Variants in AXDND1 observed in about 807,000 individuals in gnomAD.
AXDND1 encodes axonemal dynein light chain domain containing 1.
In AXDND1, 110 loss-of-function variants were observed where a neutral mutation model predicts 137.5. The observed-to-expected ratio is 0.80, with a 90% CI of 0.69 to 0.94. The LOEUF is 0.94. Ranked by LOEUF, AXDND1 falls within the 40% of genes least tolerant of loss-of-function variation. AXDND1 has a pLI of 0.00. For synonymous variants in AXDND1, 414 were observed against 399.7 expected (o/e 1.04, Z -0.43); for missense variants, 1,191 against 1,169.8 (o/e 1.02, Z -0.26).
chr1:179,435,764 G>A (rs531792497), intron 15 of AXDND1, among the ~76,000 whole-genome samples: 16 of 152,220 alleles, frequency 1.1e-4, no homozygotes, highest in African/African-American at 3.4e-4. Flanking sequence ...ATACCATTCA[G>A]GACATAGGCA....
At chr1:179,505,643 A>G (rs989353092) in intron 20 of AXDND1, among the ~76,000 whole-genome samples, 1 of 150,852 alleles carries the variant, frequency 6.6e-6, no homozygotes, top group African/African-American at 2.4e-5. Flanking sequence ...GCGAAACTCC[A>G]TCTCAAAAAA....
At chr1:179,447,939 T>A in intron 16 of AXDND1, 1 of 1,385,818 alleles carries the variant, frequency 7.2e-7, no homozygotes, top group Non-Finnish European at 1.0e-6. Context: ...TTAAATCTGT[T>A]AACGTTGAGC....
chr1:179,467,644 G>A (rs969691910), intron 16 of AXDND1, among the ~76,000 whole-genome samples: 3 of 152,164 alleles, frequency 2.0e-5, no homozygotes, highest in African/African-American at 7.2e-5. Context: ...GGATGACTGT[G>A]TACAGTGGGC....
intron 4 of AXDND1, among the ~76,000 whole-genome samples, chr1:179,375,414 C>A (rs994812406): frequency 7.3e-5 from 11 of 151,654 alleles, no homozygotes; most frequent in African/African-American, 2.4e-4. Flanking sequence ...CCAACATATT[C>A]TTTAATTATA....
intron 15 of AXDND1, among the ~76,000 whole-genome samples, chr1:179,432,698 T>C (rs2125318160): frequency 6.6e-6 from 1 of 152,256 alleles, no homozygotes; most frequent in Non-Finnish European, 1.5e-5. Context: ...AGTGTTGGGA[T>C]TACAGGTGTG....
intron 11 of AXDND1, among the ~76,000 whole-genome samples, chr1:179,396,302 A>G (rs923001428): frequency 3.3e-5 from 5 of 152,096 alleles, no homozygotes. Context: ...AATAGTTGGT[A>G]TGTAACTTTC....
chr1:179,479,746 T>C (rs1665123184), intron 17 of AXDND1, among the ~76,000 whole-genome samples: 1 of 151,998 alleles, frequency 6.6e-6, no homozygotes, highest in African/African-American at 2.4e-5. Context: ...CACTGCACTT[T>C]AGCCTGGGCG....
chr1:179,509,560 T>C (rs182514559), intron 21 of AXDND1, among the ~76,000 whole-genome samples, 157 bp downstream of exon 21: 38 of 152,300 alleles, frequency 2.5e-4, no homozygotes, highest in Non-Finnish European at 5.0e-4. Flanking sequence ...ACAGCTCTTC[T>C]TCCCTCTAAG....
intron 25 of AXDND1, among the ~76,000 whole-genome samples, chr1:179,552,875 T>A (rs1673524960): frequency 6.6e-6 from 1 of 152,212 alleles, no homozygotes; most frequent in South Asian, 2.1e-4. Context: ...AAATGCAGTT[T>A]TGTATTATTG....
At chr1:179,471,425 T>A (rs1427434783) in intron 17 of AXDND1, among the ~76,000 whole-genome samples, 2 of 152,222 alleles carry the variant, frequency 1.3e-5, no homozygotes, top group Non-Finnish European at 2.9e-5. Flanking sequence ...TCTTATTGAA[T>A]CAGTTTTTTG....
chr1:179,430,729 T>C (rs1657245073), intron 14 of AXDND1, 123 bp downstream of exon 14: 1 of 1,080,984 alleles, frequency 9.3e-7, no homozygotes, highest in Admixed American at 2.4e-5. Context: ...TGGGGAGCAG[T>C]CCCTATGAAG....
chr1:179,430,619 G>A lies in AXDND1; in HGVS notation c.1487+13G>A, dbSNP rs762604493. ...AGGAGTTCTTCAAGTGAGTCACCAA[G>A]AATCTTGTTTTTCTGATTATACTTA... is the stretch of plus-strand genomic sequence containing the variant. On this transcript the variant is annotated intron_variant, in intron 14 of 25. Coordinates refer to ENST00000367618, the MANE Select transcript of AXDND1 (RefSeq NM_144696.6). The A allele has an allele frequency of 1.9e-6, 3 of 1,601,872 alleles. No individual in the cohort carries two copies. The highest frequency in any genetic ancestry group is 2.2e-5 in the South Asian group (2 of 89,466).
intron 20 of AXDND1, among the ~76,000 whole-genome samples, chr1:179,503,827 A>G (rs1017671836): frequency 6.6e-6 from 1 of 151,834 alleles, no homozygotes; most frequent in African/African-American, 2.4e-5. Context: ...TGTCCTTGTG[A>G]TAGTTTGCTG....
chr1:179,456,433 C>T, intron 16 of AXDND1: 1 of 767,526 alleles, frequency 1.3e-6, no homozygotes. Context: ...AAACTGCTTC[C>T]ACTACCACCA....
chr1:179,490,486 C>T (rs1666742676), intron 18 of AXDND1, among the ~76,000 whole-genome samples: 1 of 152,138 alleles, frequency 6.6e-6, no homozygotes, highest in Admixed American at 6.5e-5. Context: ...TTTTCACACT[C>T]CTAAGCCAAA....
intron 18 of AXDND1, among the ~76,000 whole-genome samples, chr1:179,488,604 TTTTC>T (rs1487432421): frequency 5.5e-5 from 5 of 91,740 alleles, no homozygotes; most frequent in Non-Finnish European, 9.4e-5. Context: ...CTTTCTTTCT[TTTTC>T]TTTCTTTCTT....
At chr1:179,464,600 T>C (rs960622697) in intron 16 of AXDND1, among the ~76,000 whole-genome samples, 1 of 152,170 alleles carries the variant, frequency 6.6e-6, no homozygotes, top group African/African-American at 2.4e-5. Context: ...GTTTTGGAGT[T>C]GCTCTTCTCG....
At chr1:179,424,623 T>C (rs1656290744) in intron 12 of AXDND1, among the ~76,000 whole-genome samples, 1 of 151,304 alleles carries the variant, frequency 6.6e-6, no homozygotes, top group African/African-American at 2.4e-5. Flanking sequence ...AGAAATGGAG[T>C]TTTGCCATGT....
chr1:179,507,520 A>T (rs1668647928), intron 20 of AXDND1, among the ~76,000 whole-genome samples: 1 of 152,220 alleles, frequency 6.6e-6, no homozygotes, highest in South Asian at 2.1e-4. Flanking sequence ...CTGGAAGGAT[A>T]CTTAGGGGCA....
Sources: allele counts gnomAD v4.1 joint callset (sites outside exome capture counted in the v4.1 genomes callset), GRCh38; gene constraint gnomAD v4.1.1; transcripts MANE v1.5; gene names NCBI Gene and HGNC (gene_info 2026-07-23, HGNC 2026-07-21).